Variants in KIF7 observed in about 807,000 individuals in gnomAD.
The protein encoded by KIF7 is kinesin family member 7.
In KIF7, 104 loss-of-function variants were observed where a neutral mutation model predicts 135.7. The ratio of observed to expected loss-of-function variants is 0.77; its 90% CI spans 0.65 to 0.90. The LOEUF (loss-of-function observed/expected upper bound fraction) is 0.90, where lower values mean the gene tolerates loss of function less well. Ranked by LOEUF, KIF7 falls within the 40% of genes least tolerant of loss-of-function variation. The pLI is 0.00. For synonymous variants in KIF7, 883 were observed against 809.4 expected (o/e 1.09, Z -1.54); for missense variants, 2,005 against 1,839.1 (o/e 1.09, Z -1.65).
rs759322369 is a variant in KIF7 at position 89,642,228 on chromosome 15, A to C, written c.2369T>G (p.Val790Gly). 5.6e-6 allele frequency: 9 copies of C among 1,610,108 alleles called. No homozygotes were observed. In the Admixed American group the frequency reaches 1.3e-4, roughly 24 times the overall value. ...CTGCACCTGGCTCTGGGCCGCAGCG[A>C]CCCTCCTGCGGAACTCCTGGAGCCG... ...RSRLQEFRRR[V>G]AAAQSQVQVL... Residue 790 changes from valine to glycine, a missense_variant, in exon 11 of 19, where the codon GTC (valine) becomes GGC (glycine). Coordinates refer to ENST00000394412, the MANE Select transcript of KIF7 (RefSeq NM_198525.3).
At chr15:89,649,471 C>A in intron 3 of KIF7, 104 bp from the exon 4 acceptor site, 1 of 1,306,986 alleles carries the variant, frequency 7.7e-7, no homozygotes. Context: ...CTTCCTGACC[C>A]ACTGCTCCCT....
rs200380347 is a variant in KIF7, at chr15:89,642,450, G to A, written c.2192-45C>T. 3.5e-4 allele frequency: 533 copies of A among 1,501,412 alleles called. 3 individuals are homozygous for A. The African/African-American group carries it at 6.7e-3, about 19-fold the overall frequency. The allele number at this position is 1,501,412 out of a possible 1,614,324, so 93.0% of individuals were successfully genotyped here. A position where few individuals can be genotyped will look rare whatever the true frequency, so the allele number is the denominator to read the frequency against. ...TCAGCACAGGCAGCCCTGCTCCACCGAGAGGGCCAGCTGTTTGTCCCCCTG... is the reference window on the plus strand; with the variant it reads ...TCAGCACAGGCAGCCCTGCTCCACCAAGAGGGCCAGCTGTTTGTCCCCCTG... On this transcript the variant is annotated intron_variant, in intron 10 of 18. Transcript: ENST00000394412.
At chr15:89,626,092 C>G (rs774918164), downstream of KIF7, 5 of 1,606,044 alleles carry the variant, frequency 3.1e-6, no homozygotes, top group South Asian at 4.5e-5. Flanking sequence ...AGGACCCTTT[C>G]CTGTGACAGA....
chr15:89,629,933 T>A (rs1464548111), intron 16 of KIF7: 2 of 512,978 alleles, frequency 3.9e-6, no homozygotes, highest in East Asian at 7.0e-5. Flanking sequence ...TGTTATAGGA[T>A]GTTTAGTAAC....
intron 10 of KIF7, 103 bp from the exon 11 acceptor site, chr15:89,642,508 G>T: frequency 1.1e-6 from 1 of 889,580 alleles, no homozygotes; most frequent in Non-Finnish European, 1.7e-6. Context: ...ACCTGTGTGG[G>T]TTTCACCAAG....
chr15:89,646,782 G>A, intron 7 of KIF7, 48 bp downstream of exon 7: 1 of 1,571,186 alleles, frequency 6.4e-7, no homozygotes, highest in East Asian at 2.2e-5. Context: ...CCCCGAACTT[G>A]ACCAGTCCAG....
chr15:89,632,250 A>G (rs1963695649), intron 14 of KIF7, among the ~76,000 whole-genome samples: 1 of 152,190 alleles, frequency 6.6e-6, no homozygotes, highest in South Asian at 2.1e-4. Context: ...CAGGCCCTGC[A>G]TCAATGACGG....
At chr15:89,629,900 T>C (rs1963635138) in intron 16 of KIF7, 7 of 521,122 alleles carry the variant, frequency 1.3e-5, no homozygotes, top group Non-Finnish European at 2.4e-5. Context: ...AGATAATTCT[T>C]GGTTGTGGGG....
chr15:89,630,635 G>A (rs1471523188), intron 15 of KIF7, 142 bp from the exon 16 acceptor site: 2 of 726,936 alleles, frequency 2.8e-6, no homozygotes, highest in African/African-American at 1.7e-5. Context: ...CCCATCGAGA[G>A]AGGTGCCCCC....
intron 7 of KIF7, among the ~76,000 whole-genome samples, 159 bp downstream of exon 7, chr15:89,646,671 G>A (rs1026795606): frequency 6.6e-6 from 1 of 152,146 alleles, no homozygotes; most frequent in Non-Finnish European, 1.5e-5. Flanking sequence ...TCAAATCTTG[G>A]CTCTTCCTCT....
rs772416126 is a variant in KIF7, at chr15:89,633,010, G to GGGAGGGAGGGAGGGAA, written c.2719-30_2719-15dup. On this transcript the variant is annotated splice_polypyrimidine_tract_variant and intron_variant, in intron 13 of 18. Coordinates refer to ENST00000394412, the MANE Select transcript of KIF7 (RefSeq NM_198525.3). ...CTCCTCAATCTTCTAAGGAAAAGTA[G>GGGAGGGAGGGAGGGAA]GGAGGGAGGGAGGGAACTCAGGGCC... 1.3e-5 allele frequency: 20 copies of GGGAGGGAGGGAGGGAA among 1,545,540 alleles called. No individual in the cohort carries two copies. The East Asian group carries it at 2.7e-4, about 21-fold the overall frequency.
chr15:89,659,546 A>G (rs938008397), upstream of KIF7, among the ~76,000 whole-genome samples: 4 of 152,172 alleles, frequency 2.6e-5, no homozygotes, highest in Non-Finnish European at 5.9e-5. Context: ...GGAGGGAAGA[A>G]AGAAAAGAGA....
chr15:89,642,518 G>A, intron 10 of KIF7, 113 bp from the exon 11 acceptor site: 1 of 749,346 alleles, frequency 1.3e-6, no homozygotes, highest in South Asian at 1.8e-5. Flanking sequence ...GTTTCACCAA[G>A]CCTTTGCACC....
downstream of KIF7, among the ~76,000 whole-genome samples, chr15:89,626,777 T>G (rs1201007854): frequency 6.6e-6 from 1 of 152,176 alleles, no homozygotes; most frequent in Non-Finnish European, 1.5e-5. Flanking sequence ...TGCATAGCTG[T>G]TAAGGGCAGG....
chr15:89,627,245 C>T, downstream of KIF7: 1 of 829,834 alleles, frequency 1.2e-6, no homozygotes, highest in South Asian at 1.9e-5. Context: ...TGGATCCAAT[C>T]CATCTCCTGG....
At position 89,645,143 on chromosome 15, in the gene KIF7, T is replaced by C. The variant is rs759685675; in HGVS notation, c.2061A>G (p.Arg687=). The C allele has an allele frequency of 3.7e-6, 6 of 1,604,252 alleles. No homozygotes were observed. The highest frequency in any genetic ancestry group is 5.1e-6 in the Non-Finnish European group (6 of 1,179,952). The change falls in exon 10 of 19, where the codon CGA becomes CGG. Residue 687 remains arginine (R), a synonymous_variant. Coordinates refer to ENST00000394412, the MANE Select transcript of KIF7 (RefSeq NM_198525.3). ...GSRAVGGSKA[R]VQARQVPPAT... Reference sequence around the variant, plus strand: ...CAGGGGGGACCTGGCGGGCCTGAACTCGGGCCTTGCTCCCACCAACTGCTG... The same window carrying C: ...CAGGGGGGACCTGGCGGGCCTGAACCCGGGCCTTGCTCCCACCAACTGCTG...
upstream of KIF7, among the ~76,000 whole-genome samples, chr15:89,657,328 A>AAG (rs71151519): frequency 0.016 from 2,108 of 127,850 alleles, 449 homozygotes; most frequent in Middle Eastern, 0.025. Context: ...AAAAAAAAAA[A>AAG]AGAGAGAGAG....
intron 7 of KIF7, among the ~76,000 whole-genome samples, chr15:89,646,275 T>C (rs1277335105): frequency 6.6e-6 from 1 of 152,074 alleles, no homozygotes; most frequent in Non-Finnish European, 1.5e-5. Context: ...TTCTACCTTG[T>C]GTACAGGTCA....
intron 10 of KIF7, 36 bp from the exon 11 acceptor site, chr15:89,642,441 T>A (rs770482733): frequency 1.3e-6 from 2 of 1,513,702 alleles, no homozygotes; most frequent in African/African-American, 2.8e-5. Flanking sequence ...CAGGCAGCCC[T>A]GCTCCACCGA....
Sources: allele counts gnomAD v4.1 joint callset (sites outside exome capture counted in the v4.1 genomes callset), GRCh38; gene constraint gnomAD v4.1.1; transcripts MANE v1.5; gene names NCBI Gene and HGNC (gene_info 2026-07-23, HGNC 2026-07-21).